The following WBP1L variants were observed in gnomAD, a reference collection of about 807,000 sequenced individuals.
WBP1L encodes the protein WW domain binding protein 1-like.
In WBP1L, 17 loss-of-function variants were observed where a neutral mutation model predicts 33.7. That is an observed-to-expected ratio of 0.50 (90% CI 0.34 to 0.76). The LOEUF (loss-of-function observed/expected upper bound fraction) is 0.76, where lower values mean the gene tolerates loss of function less well. Ranked by LOEUF, WBP1L falls within the 30% of genes least tolerant of loss-of-function variation. The probability of loss-of-function intolerance (pLI) is 0.01; values close to 1 mark genes in which losing one functional copy is unlikely to be tolerated. For synonymous variants in WBP1L, 173 were observed against 190.8 expected (o/e 0.91, Z 0.77); for missense variants, 389 against 469.4 (o/e 0.83, Z 1.58).
chr10:102,763,364 G>GTT (rs1275875174), intron 1 of WBP1L, among the ~76,000 whole-genome samples: 4 of 152,106 alleles, frequency 2.6e-5, no homozygotes, highest in Admixed American at 2.6e-4. Context: ...AGGCTTAACC[G>GTT]TAAGCTTATA....
intron 1 of WBP1L, among the ~76,000 whole-genome samples, chr10:102,757,569 CTTTTTTTTTT>C (rs60213859): frequency 2.3e-5 from 2 of 88,786 alleles, no homozygotes; most frequent in African/African-American, 9.2e-5. Context: ...GTTTCTGAGC[CTTTTTTTTTT>C]TTTTTTTTTT....
At chr10:102,756,578 C>T (rs1590167253) in intron 1 of WBP1L, among the ~76,000 whole-genome samples, 1 of 152,174 alleles carries the variant, frequency 6.6e-6, no homozygotes, top group East Asian at 1.9e-4. Flanking sequence ...AAACACTTCT[C>T]CATTGTTAAT....
At chr10:102,783,274 G>A (rs1227548443) in intron 1 of WBP1L, among the ~76,000 whole-genome samples, 2 of 152,210 alleles carry the variant, frequency 1.3e-5, no homozygotes, top group East Asian at 1.9e-4. Flanking sequence ...GAGAGCCACG[G>A]TTCATTCTCG....
At chr10:102,756,551 T>C (rs1842978957) in intron 1 of WBP1L, among the ~76,000 whole-genome samples, 1 of 152,188 alleles carries the variant, frequency 6.6e-6, no homozygotes, top group Non-Finnish European at 1.5e-5. Context: ...TCTGTTGCTT[T>C]ATACCGTGAT....
intron 1 of WBP1L, among the ~76,000 whole-genome samples, chr10:102,772,322 A>G (rs1843200119): frequency 7.8e-6 from 1 of 127,536 alleles, no homozygotes; most frequent in South Asian, 2.6e-4. Context: ...GTGCAGTGGC[A>G]TGATCTCAGC....
intron 1 of WBP1L, among the ~76,000 whole-genome samples, chr10:102,758,804 C>T (rs1843006155): frequency 6.6e-6 from 1 of 152,118 alleles, no homozygotes; most frequent in Admixed American, 6.6e-5. Context: ...AAGTGGTTGA[C>T]AAGGTGAAGC....
At chr10:102,790,757 C>T (rs181017515) in intron 1 of WBP1L, among the ~76,000 whole-genome samples, 218 of 152,176 alleles carry the variant, frequency 1.4e-3, no homozygotes, top group African/African-American at 5.1e-3. Flanking sequence ...GTCATCCGCC[C>T]GCCTCAGCCT....
At chr10:102,771,677 G>A (rs895764189) in intron 1 of WBP1L, among the ~76,000 whole-genome samples, 1 of 151,730 alleles carries the variant, frequency 6.6e-6, no homozygotes, top group Non-Finnish European at 1.5e-5. Flanking sequence ...GAGTGGTGGC[G>A]CACACTTGTA....
Position 102,813,426 on chromosome 10 carries a change from G to A in WBP1L, c.*95G>A. The A allele has an allele frequency of 1.4e-6, 2 of 1,450,398 alleles. No individual in the cohort carries two copies. Among genetic ancestry groups the A allele is most frequent in the Non-Finnish European group, 1.8e-6 (2 of 1,095,402 alleles). 89.8% of individuals were successfully genotyped at this position (1,450,398 alleles called of 1,614,324 possible). ...TAAGTGACTTTCAAAGACTTTCAGA[G>A]TACAGCCACTTGGTTCCTTTTTGTT... On this transcript the variant is annotated 3_prime_UTR_variant, in exon 4 of 4. Coordinates refer to ENST00000448841, the MANE Select transcript of WBP1L (RefSeq NM_001083913.2).
intron 2 of WBP1L, among the ~76,000 whole-genome samples, chr10:102,800,675 C>T (rs907648104): frequency 2.6e-5 from 4 of 152,172 alleles, no homozygotes; most frequent in African/African-American, 7.2e-5. Flanking sequence ...GGAAGTCCTC[C>T]GATCTCCCTC....
chr10:102,807,555 G>A (rs1055887374), intron 2 of WBP1L, among the ~76,000 whole-genome samples: 5 of 152,020 alleles, frequency 3.3e-5, no homozygotes, highest in Non-Finnish European at 5.9e-5. Context: ...TTTATTTTTA[G>A]TAGAGATGGG....
intron 1 of WBP1L, among the ~76,000 whole-genome samples, chr10:102,770,891 C>T (rs1038007750): frequency 7.2e-5 from 11 of 152,172 alleles, no homozygotes; most frequent in South Asian, 4.1e-4. Flanking sequence ...TAATAGCTGA[C>T]GCCTGTGTGT....
At chr10:102,761,542 C>T (rs572365381) in intron 1 of WBP1L, among the ~76,000 whole-genome samples, 31 of 147,760 alleles carry the variant, frequency 2.1e-4, no homozygotes, top group African/African-American at 6.7e-4. Context: ...TTGCAACCTC[C>T]GCCTCCCAGG....
chr10:102,810,357 CCCTT>C (rs971128557), intron 3 of WBP1L, among the ~76,000 whole-genome samples: 15 of 131,542 alleles, frequency 1.1e-4, no homozygotes, highest in Non-Finnish European at 1.8e-4. Flanking sequence ...CTAACTTCCT[CCCTT>C]CCTCCCTCCC....
chr10:102,755,128 TA>T (rs1444015347), intron 1 of WBP1L, among the ~76,000 whole-genome samples: 1 of 151,984 alleles, frequency 6.6e-6, no homozygotes, highest in Non-Finnish European at 1.5e-5. Context: ...TTTTGTATTT[TA>T]ACTAGAGACG....
intron 2 of WBP1L, among the ~76,000 whole-genome samples, chr10:102,801,600 G>C (rs922682224): frequency 6.6e-6 from 1 of 152,048 alleles, no homozygotes; most frequent in African/African-American, 2.4e-5. Context: ...TTCTCATCCT[G>C]GGGCTCTCTC....
chr10:102,747,667 C>G (rs1407185707), intron 1 of WBP1L, among the ~76,000 whole-genome samples: 1 of 152,004 alleles, frequency 6.6e-6, no homozygotes, highest in African/African-American at 2.4e-5. Context: ...ACTGGGACTA[C>G]AGGTGCATGC....
chr10:102,784,512 G>A (rs1843384393), intron 1 of WBP1L, among the ~76,000 whole-genome samples: 1 of 142,384 alleles, frequency 7.0e-6, no homozygotes, highest in South Asian at 2.2e-4. Context: ...TGCAAGCTCT[G>A]CCTCCTGGGT....
intron 1 of WBP1L, 28 bp from the exon 2 acceptor site, chr10:102,797,965 A>G (rs1463115477): frequency 1.3e-6 from 2 of 1,591,696 alleles, no homozygotes; most frequent in African/African-American, 2.7e-5. Context: ...GTCATTTAAT[A>G]TGCTAACATG....
Sources: gnomAD v4.1 joint callset for allele counts (sites outside exome capture counted in the v4.1 genomes callset) on GRCh38, gnomAD v4.1.1 for gene constraint, MANE v1.5 for transcripts, NCBI Gene and HGNC (gene_info 2026-07-23, HGNC 2026-07-21) for gene names.